The following ADGRB1 variants were observed in gnomAD, a reference collection of about 807,000 sequenced individuals.
The protein encoded by ADGRB1 is brain-specific angiogenesis inhibitor 1.
ADGRB1 carries 36 observed loss-of-function variants against 175.7 expected under a neutral mutation model. The observed-to-expected ratio is 0.20, with a 90% CI of 0.16 to 0.27. The LOEUF (loss-of-function observed/expected upper bound fraction) is 0.27, where lower values mean the gene tolerates loss of function less well. Among genes scored for constraint, ADGRB1 ranks in the 10% least tolerant of loss-of-function variants. ADGRB1 has a pLI of 1.00. For synonymous variants in ADGRB1, 1,054 were observed against 979.4 expected (o/e 1.08, Z -1.42); for missense variants, 1,731 against 2,255.3 (o/e 0.77, Z 4.71).
chr8:142,543,964 C>T lies in ADGRB1; in HGVS notation c.4557+256C>T, dbSNP rs1347503186. 6.6e-6 allele frequency among the ~76,000 whole-genome samples: 1 copy of T among 152,126 alleles called. No individual in the cohort carries two copies. Among genetic ancestry groups the T allele is most frequent in the African/African-American group, 2.4e-5 (1 of 41,420 alleles). ...GGTCTGGATTGGGGTGGAGCCAATCCAGGGCAGGGTCCCCACAGCCTGACC... is the reference window on the plus strand; with the variant it reads ...GGTCTGGATTGGGGTGGAGCCAATCTAGGGCAGGGTCCCCACAGCCTGACC... On this transcript the variant is annotated intron_variant, in intron 30 of 30. Transcript: ENST00000517894. This position sits in a 1 kb window ranked among gnomAD's most constrained non-coding sequence, Gnocchi z 4.4.
chr8:142,541,682 T>G (rs1339432169), intron 27 of ADGRB1, among the ~76,000 whole-genome samples: 1 of 152,170 alleles, frequency 6.6e-6, no homozygotes, highest in Non-Finnish European at 1.5e-5. Context: ...GCCATTTGTC[T>G]TCTTGGGGCC....
In ADGRB1 at chr8:142,462,033, G is replaced by A. The variant is rs867369560; in HGVS notation, c.-219-1947G>A. The stretch of plus-strand genomic sequence containing the variant: ...GGTGAGGGGGCGCCCAGGACAGCCC[G>A]GCTTTTCCATGCCTTGTCCAAGCCC... On this transcript the variant is annotated intron_variant, in intron 1 of 30. Coordinates refer to ENST00000517894, the MANE Select transcript of ADGRB1 (RefSeq NM_001702.3). Among the ~76,000 whole-genome samples the A allele has an allele frequency of 8.5e-5, 13 of 152,258 alleles. No homozygotes were observed. In the East Asian group the frequency reaches 9.7e-4, roughly 11 times the overall value.
At chr8:142,469,730 C>CATGTGTGTGA (rs1399972576) in intron 2 of ADGRB1, among the ~76,000 whole-genome samples, 4 of 150,568 alleles carry the variant, frequency 2.7e-5, no homozygotes, top group African/African-American at 9.8e-5. Context: ...CATGCACATG[C>CATGTGTGTGA]ATGTGTGTGA....
At chr8:142,507,944 C>T (rs1842921475) in intron 17 of ADGRB1, among the ~76,000 whole-genome samples, 3 of 151,834 alleles carry the variant, frequency 2.0e-5, no homozygotes, top group African/African-American at 4.8e-5. Context: ...CACAACCGCA[C>T]ACCCATCCCC....
At chr8:142,509,512 G>A (rs1470452346) in intron 17 of ADGRB1, among the ~76,000 whole-genome samples, 10 of 152,174 alleles carry the variant, frequency 6.6e-5, no homozygotes, top group Non-Finnish European at 1.5e-4. Flanking sequence ...ACAGGGCACC[G>A]GGGCAGGTCC....
rs138794841 is a variant in ADGRB1 at position 142,541,681 on chromosome 8, C to T, written c.3707-260C>T. Among the ~76,000 whole-genome samples the T allele has an allele frequency of 6.9e-3, 1,048 of 152,260 alleles. 16 individuals are homozygous for T. Among genetic ancestry groups the T allele is most frequent in the African/African-American group, 0.024 (987 of 41,566 alleles). On this transcript the variant is annotated intron_variant, in intron 27 of 30. Transcript: ENST00000517894. ...CAGTGTGTGGGTGACAGCCATTTGT[C>T]TTCTTGGGGCCAGTGGAGAGGGCCA...
intron 1 of ADGRB1, among the ~76,000 whole-genome samples, chr8:142,461,574 T>A (rs949028111): frequency 6.6e-6 from 1 of 152,176 alleles, no homozygotes; most frequent in African/African-American, 2.4e-5. Context: ...AGGCTGGTCC[T>A]TGTACACCCC....
In ADGRB1 at chr8:142,537,036, A is replaced by G. The variant is rs745528971; in HGVS notation, c.3620A>G (p.Asn1207Ser). 4 of 1,589,476 alleles carry G rather than the reference A, an allele frequency of 2.5e-6. No homozygotes were observed. The highest frequency in any genetic ancestry group is 4.6e-5 in the East Asian group (2 of 43,218). ...CRVVDRQEEG[N>S]GDSGGSFQNG... ...GTGGTTGACCGGCAGGAGGAGGGCA[A>G]CGGGGACTCAGGGGGCTCCTTCCAG... Residue 1207 changes from asparagine (N) to serine (S), a missense_variant, in exon 26 of 31, where the codon AAC (asparagine) becomes AGC (serine). Physicochemically the swap from Asn to Ser is conservative, Grantham distance 46. Coordinates refer to ENST00000517894, the MANE Select transcript of ADGRB1 (RefSeq NM_001702.3). The surrounding 1 kb of genome is among the most constrained non-coding windows in gnomAD (Gnocchi z 4.6).
intron 1 of ADGRB1, among the ~76,000 whole-genome samples, chr8:142,456,766 G>T (rs1053756324): frequency 3.3e-5 from 5 of 152,256 alleles, no homozygotes; most frequent in African/African-American, 1.2e-4. Context: ...TGCCCGCCGT[G>T]GTGGGGTGGA....
intron 27 of ADGRB1, 54 bp from the exon 28 acceptor site, chr8:142,541,887 A>G: frequency 6.7e-7 from 1 of 1,484,400 alleles, no homozygotes; most frequent in East Asian, 2.5e-5. Context: ...GGACTGTCCT[A>G]CGCCATCCTC....
rs1438179979 is a variant in ADGRB1, at chr8:142,542,681, A to G, written c.4413+34A>G. On this transcript the variant is annotated intron_variant, in intron 28 of 30. Coordinates refer to ENST00000517894, the MANE Select transcript of ADGRB1 (RefSeq NM_001702.3). The surrounding 1 kb of genome is among the most constrained non-coding windows in gnomAD (Gnocchi z 6.3). ...GGCAGGGGTGGGCCACACCCCAGCCAGCGAGGGCAGGGCTGCAGCAGCTGG... is the reference window on the plus strand; with the variant it reads ...GGCAGGGGTGGGCCACACCCCAGCCGGCGAGGGCAGGGCTGCAGCAGCTGG... 10 of 1,505,864 alleles carry G rather than the reference A, an allele frequency of 6.6e-6. No individual in the cohort carries two copies. The highest frequency in any genetic ancestry group is 2.5e-5 in the South Asian group (2 of 80,702). The allele number at this position is 1,505,864 out of a possible 1,614,324, so 93.3% of individuals were successfully genotyped here.
chr8:142,542,869 C>T lies in ADGRB1; in HGVS notation c.4413+222C>T, dbSNP rs1004858159. ...GTGGTCTCACCCCGTTTCAAAGGGG[C>T]TCAGGGACCCACAGTCTGGACCCAC... On this transcript the variant is annotated intron_variant, in intron 28 of 30. Transcript: ENST00000517894. This position sits in a 1 kb window ranked among gnomAD's most constrained non-coding sequence, Gnocchi z 6.3. Among the ~76,000 whole-genome samples, 3 of 152,206 alleles carry T rather than the reference C, an allele frequency of 2.0e-5. No homozygotes were observed. Among genetic ancestry groups the T allele is most frequent in the Admixed American group, 2.0e-4 (3 of 15,290 alleles).
Position 142,480,697 on chromosome 8 carries a change from A to T in ADGRB1, c.1829-557A>T, listed in dbSNP as rs542913300. ...TCTTGTCAGGTGTCAGGGCTGCGAC[A>T]GTTCTTTGTGGCTGCCGCCACCCTG... On this transcript the variant is annotated intron_variant, in intron 9 of 30. Coordinates refer to ENST00000517894, the MANE Select transcript of ADGRB1 (RefSeq NM_001702.3). 8.4e-4 allele frequency among the ~76,000 whole-genome samples: 128 copies of T among 152,170 alleles called. 1 individual carries two copies. The highest frequency in any genetic ancestry group is 1.5e-3 in the Non-Finnish European group (101 of 68,030).
At chr8:142,540,299 G>A (rs967542645) in intron 27 of ADGRB1, among the ~76,000 whole-genome samples, 4 of 152,226 alleles carry the variant, frequency 2.6e-5, no homozygotes, top group Non-Finnish European at 5.9e-5. Flanking sequence ...AATGGGAGCT[G>A]GACAAAAAGC....
In ADGRB1 at chr8:142,542,758, T is replaced by C. The variant is rs1342417603; in HGVS notation, c.4413+111T>C. ...CGCCGTCAGCGGGGCGGGCTGGCTC[T>C]GCCTCCTAGCTACACCCCCCACCCC... On this transcript the variant is annotated intron_variant, in intron 28 of 30. Coordinates refer to ENST00000517894, the MANE Select transcript of ADGRB1 (RefSeq NM_001702.3). This position sits in a 1 kb window ranked among gnomAD's most constrained non-coding sequence, Gnocchi z 6.3. 1.3e-4 allele frequency: 134 copies of C among 1,025,198 alleles called. 1 individual carries two copies. Among genetic ancestry groups the C allele is most frequent in the Non-Finnish European group, 1.9e-5 (14 of 731,982 alleles). 63.5% of individuals were successfully genotyped at this position (1,025,198 alleles called of 1,614,324 possible).
At chr8:142,529,128 G>A (rs1272692186) in intron 24 of ADGRB1, among the ~76,000 whole-genome samples, 1 of 152,242 alleles carries the variant, frequency 6.6e-6, no homozygotes, top group South Asian at 2.1e-4. Context: ...ACTGGCCCTG[G>A]CCTGCCTGAT....
intron 8 of ADGRB1, 35 bp downstream of exon 8, chr8:142,479,522 A>G: frequency 6.6e-7 from 1 of 1,522,380 alleles, no homozygotes; most frequent in Non-Finnish European, 8.8e-7. Flanking sequence ...GGCTCTGGGG[A>G]GGGCTGATGG....
At chr8:142,456,347 G>T (rs533913377) in intron 1 of ADGRB1, among the ~76,000 whole-genome samples, 1 of 152,042 alleles carries the variant, frequency 6.6e-6, no homozygotes, top group Non-Finnish European at 1.5e-5. Context: ...CTGCACACAC[G>T]CATGTGCACA....
chr8:142,497,962 T>C (rs756617009), intron 17 of ADGRB1, among the ~76,000 whole-genome samples: 2 of 152,132 alleles, frequency 1.3e-5, no homozygotes, highest in Non-Finnish European at 2.9e-5. Context: ...GGACAGACCC[T>C]TGGGCCTGCC....
Sources: gnomAD v4.1 joint callset for allele counts (sites outside exome capture counted in the v4.1 genomes callset) on GRCh38, gnomAD v4.1.1 for gene constraint, Gnocchi (gnomAD v3.1) non-coding constraint, MANE v1.5 for transcripts, NCBI Gene and HGNC (gene_info 2026-07-23, HGNC 2026-07-21) for gene names.